Variants in TNFAIP8L3 observed in about 807,000 individuals in gnomAD.
TNFAIP8L3 encodes the protein TNF alpha induced protein 8 like 3.
Under a neutral mutation model 11.8 loss-of-function variants are expected in TNFAIP8L3, and 7 were observed. The ratio of observed to expected loss-of-function variants is 0.59; its 90% CI spans 0.34 to 1.11. The LOEUF (loss-of-function observed/expected upper bound fraction) is 1.11, where lower values mean the gene tolerates loss of function less well. Ranked by LOEUF, TNFAIP8L3 falls within the 50% of genes most tolerant of loss-of-function variation. The probability of loss-of-function intolerance (pLI) is 0.03; values close to 1 mark genes in which losing one functional copy is unlikely to be tolerated. For synonymous variants in TNFAIP8L3, 98 were observed against 103.8 expected, an observed-to-expected ratio of 0.94 and a Z score of 0.34; for missense variants, 219 against 258.6, an observed-to-expected ratio of 0.85 and a Z score of 1.05.
chr15:51,102,967 C>T (rs1457440135), intron 1 of TNFAIP8L3, among the ~76,000 whole-genome samples: 1 of 152,128 alleles, frequency 6.6e-6, no homozygotes, highest in African/African-American at 2.4e-5. Context: ...ATTTCTTTAT[C>T]TTATCAAAGA....
intron 1 of TNFAIP8L3, among the ~76,000 whole-genome samples, chr15:51,071,050 C>CAAAAAAAAAAAA (rs55991711): frequency 3.1e-5 from 1 of 31,814 alleles, no homozygotes; most frequent in Non-Finnish European, 6.1e-5. Context: ...GACTCCGTCT[C>CAAAAAAAAAAAA]AAAAAAAAAA....
chr15:51,072,819 A>G (rs541190498), intron 1 of TNFAIP8L3, among the ~76,000 whole-genome samples: 8 of 152,098 alleles, frequency 5.3e-5, no homozygotes, highest in Admixed American at 5.2e-4. Context: ...AGTTTTCTTA[A>G]TATAACTCGT....
intron 1 of TNFAIP8L3, among the ~76,000 whole-genome samples, chr15:51,074,788 C>T (rs1156629661): frequency 6.6e-6 from 1 of 152,192 alleles, no homozygotes; most frequent in East Asian, 1.9e-4. Flanking sequence ...TGGACCCTCG[C>T]CCAGGTGGAA....
chr15:51,096,977 G>A (rs1425456720), upstream of TNFAIP8L3, among the ~76,000 whole-genome samples: 1 of 151,914 alleles, frequency 6.6e-6, no homozygotes, highest in Non-Finnish European at 1.5e-5. Flanking sequence ...CAAATAGCTG[G>A]GATCATTTAA....
chr15:51,059,134 C>G (rs1410908503), intron 1 of TNFAIP8L3, among the ~76,000 whole-genome samples: 1 of 152,174 alleles, frequency 6.6e-6, no homozygotes, highest in Non-Finnish European at 1.5e-5. Flanking sequence ...CCTGAATACT[C>G]TTGATGGCAT....
Position 51,058,450 on chromosome 15 carries a change from T to TA in TNFAIP8L3, c.53-8dup, listed in dbSNP as rs200925335. ...GAACTAAAAACATCAGGACCTATGG[T>TA]AAAAAAAATATATATAAAAGTTTTA... is the stretch of plus-strand genomic sequence containing the variant. On this transcript the variant is annotated splice_polypyrimidine_tract_variant and splice_region_variant and intron_variant, in intron 1 of 1. Coordinates refer to ENST00000637513, the MANE Select transcript of TNFAIP8L3 (RefSeq NM_001311175.2). 4 of 1,497,550 alleles carry TA rather than the reference T, an allele frequency of 2.7e-6. No individual in the cohort carries two copies. The African/African-American group carries it at 5.9e-5, about 22-fold the overall frequency. The allele number at this position is 1,497,550 out of a possible 1,614,324, so 92.8% of individuals were successfully genotyped here.
In TNFAIP8L3 at chr15:51,094,284, C is replaced by G. The variant is rs2065494232; in HGVS notation, c.52+260G>C. 6.6e-6 allele frequency among the ~76,000 whole-genome samples: 1 copy of G among 152,226 alleles called. No homozygotes were observed. The highest frequency in any genetic ancestry group is 2.1e-4 in the South Asian group (1 of 4,834). ...TTCCCGAACCCTTCCCCGCCCCCAC[C>G]CAGCCCGGGCGACCAGAGCCCGCCG... On this transcript the variant is annotated intron_variant, in intron 1 of 1. Coordinates refer to ENST00000637513, the MANE Select transcript of TNFAIP8L3 (RefSeq NM_001311175.2). This position sits in a 1 kb window ranked among gnomAD's most constrained non-coding sequence, Gnocchi z 4.4.
chr15:51,086,684 T>C (rs556658778), intron 1 of TNFAIP8L3, among the ~76,000 whole-genome samples: 3 of 152,358 alleles, frequency 2.0e-5, no homozygotes, highest in African/African-American at 7.2e-5. Flanking sequence ...GGGCTATTTA[T>C]AGTACATAGC....
At chr15:51,060,368 G>A (rs1281586722) in intron 1 of TNFAIP8L3, among the ~76,000 whole-genome samples, 2 of 152,184 alleles carry the variant, frequency 1.3e-5, no homozygotes, top group Non-Finnish European at 2.9e-5. Flanking sequence ...ACTGAAATAA[G>A]TATATGCCTC....
intron 1 of TNFAIP8L3, among the ~76,000 whole-genome samples, chr15:51,103,673 C>T (rs964777382): frequency 6.6e-6 from 1 of 152,228 alleles, no homozygotes; most frequent in Non-Finnish European, 1.5e-5. Flanking sequence ...GTACTGTGAA[C>T]TGTGGTCTTC....
chr15:51,073,219 C>T (rs1013964746), intron 1 of TNFAIP8L3, among the ~76,000 whole-genome samples: 2 of 152,154 alleles, frequency 1.3e-5, no homozygotes, highest in East Asian at 3.9e-4. Flanking sequence ...TGGTCTCAAA[C>T]TCCCGACCTC....
intron 1 of TNFAIP8L3, 31 bp from the exon 2 acceptor site, chr15:51,058,474 T>C: frequency 6.9e-7 from 1 of 1,447,488 alleles, no homozygotes. Flanking sequence ...ATAAAAGTTT[T>C]AGAAATATAA....
intron 1 of TNFAIP8L3, among the ~76,000 whole-genome samples, chr15:51,093,293 C>G (rs2065486202): frequency 6.6e-6 from 1 of 152,212 alleles, no homozygotes; most frequent in Non-Finnish European, 1.5e-5. Context: ...CCACAGCCAC[C>G]CTCTGTGGGG....
intron 1 of TNFAIP8L3, chr15:51,069,645 A>T (rs1200557295): frequency 2.6e-5 from 4 of 152,236 alleles, no homozygotes; most frequent in African/African-American, 7.2e-5. Flanking sequence ...GATAAGGACA[A>T]CTGCTGAGTA....
chr15:51,085,859 T>C (rs1000609773), intron 1 of TNFAIP8L3, among the ~76,000 whole-genome samples: 1 of 152,232 alleles, frequency 6.6e-6, no homozygotes, highest in Non-Finnish European at 1.5e-5. Context: ...TGCAGTCTTC[T>C]CTTAGGGCTC....
chr15:51,078,574 C>T (rs1048609270), intron 1 of TNFAIP8L3, among the ~76,000 whole-genome samples: 1 of 151,980 alleles, frequency 6.6e-6, no homozygotes, highest in African/African-American at 2.4e-5. Context: ...GAGATGCCAC[C>T]CCTGTCCCAT....
At chr15:51,067,532 C>A (rs539295730) in intron 1 of TNFAIP8L3, among the ~76,000 whole-genome samples, 1 of 152,176 alleles carries the variant, frequency 6.6e-6, no homozygotes, top group African/African-American at 2.4e-5. Context: ...ATAAATTAAG[C>A]TTTACTAATA....
In TNFAIP8L3 at chr15:51,076,166, T is replaced by C. The variant is rs1028492651; in HGVS notation, c.53-17723A>G. 3.9e-5 allele frequency among the ~76,000 whole-genome samples: 6 copies of C among 152,336 alleles called. 1 individual carries two copies. In the South Asian group the frequency reaches 1.2e-3, roughly 32 times the overall value. ...TAGTAAAACTGGTTTTGTTTACGGA[T>C]TTAAGACAAGTCAAGCCACATTTTT... On this transcript the variant is annotated intron_variant, in intron 1 of 1. Transcript: ENST00000637513.
In TNFAIP8L3 at chr15:51,104,863, C is replaced by T. The variant is rs2065578613; in HGVS notation, c.172+142G>A. 9.0e-6 allele frequency: 8 copies of T among 889,246 alleles called. No homozygotes were observed. The Admixed American group carries it at 1.6e-4, about 18-fold the overall frequency. 55.1% of individuals were successfully genotyped at this position (889,246 alleles called of 1,614,324 possible). Reference sequence around the variant, plus strand: ...GGCTGTTCATGAATTTGATGTGGGGCACTAAATAAGAGATGGGCTGCCTGT... The same window carrying T: ...GGCTGTTCATGAATTTGATGTGGGGTACTAAATAAGAGATGGGCTGCCTGT... On this transcript the variant is annotated intron_variant, in intron 1 of 2. Transcript: ENST00000327536.
Sources: allele counts gnomAD v4.1 joint callset (sites outside exome capture counted in the v4.1 genomes callset), GRCh38; gene constraint gnomAD v4.1.1; non-coding constraint Gnocchi (gnomAD v3.1); transcripts MANE v1.5; gene names NCBI Gene and HGNC (gene_info 2026-07-23, HGNC 2026-07-21).